The following MYH7B variants were observed in gnomAD, a reference collection of about 807,000 sequenced individuals.
MYH7B encodes the protein myosin-7B.
Under a neutral mutation model 234.5 loss-of-function variants are expected in MYH7B, and 205 were observed. The observed-to-expected ratio is 0.87, with a 90% CI of 0.78 to 0.98. MYH7B has a LOEUF of 0.98. MYH7B is among the 50% of genes least tolerant of loss of function. MYH7B has a pLI of 0.00. For missense variants in MYH7B, 2,652 were observed against 2,633.4 expected (o/e 1.01, Z -0.15); for synonymous variants, 1,193 against 1,105.0 (o/e 1.08, Z -1.58).
intron 43 of MYH7B, 94 bp from the exon 44 acceptor site, chr20:35,001,854 C>G (rs1477597132): frequency 1.3e-6 from 2 of 1,521,244 alleles, no homozygotes; most frequent in East Asian, 4.5e-5. Context: ...AGTTGAGAAC[C>G]AGGAGGAGCT....
rs546712627 is a variant in MYH7B at position 34,964,685 on chromosome 20, A to C, written c.-222+6473A>C. Among the ~76,000 whole-genome samples, 3 of 152,314 alleles carry C rather than the reference A, an allele frequency of 2.0e-5. No individual in the cohort carries two copies. The South Asian group carries it at 6.2e-4, about 32-fold the overall frequency. On this transcript the variant is annotated intron_variant, in intron 2 of 44. Transcript: ENST00000262873. ...TGTAATCCCAGTACTTTGGGAGGCC[A>C]AGACAGGAGGATCACTTGAGACCAG...
chr20:34,984,366 A>G (rs551114358), intron 10 of MYH7B, among the ~76,000 whole-genome samples: 89 of 152,182 alleles, frequency 5.8e-4, no homozygotes, highest in Non-Finnish European at 1.1e-3. Context: ...AGGGCCCTAG[A>G]TTTTAGTCGG....
intron 19 of MYH7B, among the ~76,000 whole-genome samples, chr20:34,988,792 G>T (rs959601211): frequency 1.4e-5 from 2 of 148,032 alleles, no homozygotes; most frequent in Non-Finnish European, 3.0e-5. Context: ...TCATTTCCTC[G>T]AAATCCTTTA....
chr20:34,982,410 G>A (rs752503953), intron 9 of MYH7B, 49 bp from the exon 10 acceptor site: 3 of 1,544,342 alleles, frequency 1.9e-6, no homozygotes, highest in South Asian at 2.2e-5. Context: ...GGGGGTGGGG[G>A]AGAATTAGGC....
At chr20:34,977,529 G>A (rs2057846798) in intron 3 of MYH7B, 103 bp from the exon 4 acceptor site, 3 of 1,072,620 alleles carry the variant, frequency 2.8e-6, no homozygotes, top group Non-Finnish European at 4.2e-6. Flanking sequence ...GGCCGTGCTG[G>A]TGGAGATAAA....
chr20:34,979,674 G>T, exon 7 of MYH7B: 1 of 1,614,112 alleles, frequency 6.2e-7, no homozygotes, highest in South Asian at 1.1e-5. Flanking sequence ...CTGATGGTGC[G>T]TGAAGCCGAG....
At chr20:34,985,235 C>T (rs566846797) in intron 13 of MYH7B, 106 bp downstream of exon 13, 3 of 1,052,114 alleles carry the variant, frequency 2.9e-6, no homozygotes, top group East Asian at 4.9e-5. Context: ...GCTCTGGGCA[C>T]TTCTCTCTAC....
At chr20:34,984,576 T>A in intron 10 of MYH7B, 116 bp from the exon 11 acceptor site, 2 of 878,548 alleles carry the variant, frequency 2.3e-6, no homozygotes, top group Non-Finnish European at 3.6e-6. Flanking sequence ...TGCATTCCGG[T>A]GACTAACTCC....
At chr20:34,990,427 T>G (rs769711537) in intron 22 of MYH7B, 117 bp downstream of exon 22, 1 of 1,073,832 alleles carries the variant, frequency 9.3e-7, no homozygotes, top group Non-Finnish European at 1.5e-6. Flanking sequence ...GCAGTGATGT[T>G]TAACTCCTCT....
rs762744206 is a variant in MYH7B at position 34,977,660 on chromosome 20, T to A, written c.-93T>A. 2.7e-5 allele frequency: 41 copies of A among 1,506,652 alleles called. No individual in the cohort carries two copies. The highest frequency in any genetic ancestry group is 3.5e-4 in the Middle Eastern group (2 of 5,634). 93.3% of individuals were successfully genotyped at this position (1,506,652 alleles called of 1,614,324 possible). On this transcript the variant is annotated 5_prime_UTR_variant, in exon 4 of 45. Transcript: ENST00000262873. ...CAATAAAAGGGGTAGCAGAGCTTCC[T>A]GCCCTCACCGTGGTGCCGAGGTAGG...
intron 24 of MYH7B, among the ~76,000 whole-genome samples, chr20:34,992,243 G>T (rs905975614): frequency 6.6e-6 from 1 of 152,054 alleles, no homozygotes; most frequent in Non-Finnish European, 1.5e-5. Context: ...AAAATTAGCC[G>T]GGCGTGGTGG....
intron 24 of MYH7B, 57 bp from the exon 25 acceptor site, chr20:34,993,045 A>G (rs1279380374): frequency 2.5e-6 from 4 of 1,569,074 alleles, no homozygotes; most frequent in Non-Finnish European, 2.6e-6. Flanking sequence ...CCCCATTCTC[A>G]GTGGCCTGTG....
intron 9 of MYH7B, chr20:34,981,755 G>C (rs2081945003): frequency 1.3e-5 from 2 of 151,284 alleles, no homozygotes; most frequent in South Asian, 4.2e-4. Flanking sequence ...AGGAGGCTGA[G>C]GCAGGAGAAT....
chr20:34,969,854 T>C (rs2081776899), intron 2 of MYH7B, among the ~76,000 whole-genome samples: 1 of 152,128 alleles, frequency 6.6e-6, no homozygotes, highest in Non-Finnish European at 1.5e-5. Context: ...CACAACTTTT[T>C]TTTTTTTGTA....
exon 32 of MYH7B, chr20:34,997,461 C>A (rs1226862925): frequency 3.3e-6 from 5 of 1,500,282 alleles, no homozygotes; most frequent in Non-Finnish European, 4.4e-6. Context: ...GGAGGCGGCG[C>A]TGCGGCACGA....
exon 16 of MYH7B, chr20:34,987,244 G>C (rs1253424834): frequency 1.9e-6 from 3 of 1,611,794 alleles, no homozygotes; most frequent in Admixed American, 3.3e-5. Context: ...TGAAGTTCAA[G>C]CAGAAGCAGC....
chr20:34,958,260 G>A lies in MYH7B; in HGVS notation c.-222+48G>A, dbSNP rs578098371. ...TTGTAGATGTGGCAGCTGAGCCTCA[G>A]AAGTTACGTGACTTGTTCAAGGTGA... On this transcript the variant is annotated intron_variant, in intron 2 of 44. Transcript: ENST00000262873. 2.6e-5 allele frequency among the ~76,000 whole-genome samples: 4 copies of A among 152,290 alleles called. No individual in the cohort carries two copies. The East Asian group carries it at 7.7e-4, about 29-fold the overall frequency.
intron 2 of MYH7B, among the ~76,000 whole-genome samples, chr20:34,967,695 C>A (rs192832968): frequency 2.0e-5 from 3 of 152,278 alleles, no homozygotes; most frequent in Admixed American, 2.0e-4. Context: ...CCTGTGTGTC[C>A]CCCAGCAGCC....
intron 22 of MYH7B, 87 bp downstream of exon 22, chr20:34,990,397 G>A: frequency 6.9e-7 from 1 of 1,452,334 alleles, no homozygotes; most frequent in African/African-American, 1.4e-5. Context: ...TGTGCCTTGG[G>A]CGGGCGGCTG....
Sources: allele counts gnomAD v4.1 joint callset (sites outside exome capture counted in the v4.1 genomes callset), GRCh38; gene constraint gnomAD v4.1.1; transcripts MANE v1.5; gene names NCBI Gene and HGNC (gene_info 2026-07-23, HGNC 2026-07-21).